The following FOLH1 variants were observed in gnomAD, a reference collection of about 807,000 sequenced individuals.
FOLH1 encodes glutamate carboxypeptidase 2.
Under a neutral mutation model 93.9 loss-of-function variants are expected in FOLH1, and 54 were observed. That is an observed-to-expected ratio of 0.57 (90% CI 0.46 to 0.72). FOLH1 has a LOEUF of 0.72. FOLH1 is among the 30% of genes least tolerant of loss of function. The pLI is 0.00. For synonymous variants in FOLH1, 249 were observed against 303.6 expected, an observed-to-expected ratio of 0.82 and a Z score of 1.87; for missense variants, 571 against 892.5, an observed-to-expected ratio of 0.64 and a Z score of 4.59.
chr11:49,155,832 AT>A (rs1856965742), intron 15 of FOLH1, among the ~76,000 whole-genome samples: 13 of 129,898 alleles, frequency 1.0e-4, no homozygotes, highest in African/African-American at 3.8e-4. Flanking sequence ...ATATATATAT[AT>A]ATAATCAACA....
chr11:49,155,085 G>C (rs1856868795), intron 15 of FOLH1, among the ~76,000 whole-genome samples: 2 of 152,034 alleles, frequency 1.3e-5, no homozygotes, highest in Non-Finnish European at 1.5e-5. Context: ...TTTTCAAACT[G>C]TGAATTGCTG....
chr11:49,206,968 C>G, intron 1 of FOLH1: 1 of 586,972 alleles, frequency 1.7e-6, no homozygotes, highest in Non-Finnish European at 3.0e-6. Flanking sequence ...AACCAGCTTT[C>G]ATGGAGCTTT....
intron 4 of FOLH1, among the ~76,000 whole-genome samples, chr11:49,191,281 G>A (rs1862008595): frequency 6.6e-6 from 1 of 152,150 alleles, no homozygotes; most frequent in South Asian, 2.1e-4. Context: ...TAGAGTGCTG[G>A]GATTACAGGC....
In FOLH1 at chr11:49,157,979, G is replaced by T. The variant is rs1857206585; in HGVS notation, c.1505C>A (p.Pro502His). The T allele has an allele frequency of 1.2e-6, 2 of 1,600,602 alleles. No individual in the cohort carries two copies. Among genetic ancestry groups the T allele is most frequent in the African/African-American group, 2.7e-5 (2 of 74,632 alleles). ...GGGCATGCCACTGAACTCTGGGGAA[G>T]GACTTTTTTTAGTCCAACTTTCATA... ...SLYESWTKKS[P>H]SPEFSGMPRI... Residue 502 changes from proline to histidine, a missense_variant, in exon 14 of 19, where the codon CCT becomes CAT. By Grantham distance (77) the Pro-to-His change is moderately conservative. This residue lies in a region of FOLH1 where 500 missense variants were observed against 822.9 expected (regional missense o/e 0.61). Transcript: ENST00000256999.
At chr11:49,176,359 T>C (rs972203532) in intron 7 of FOLH1, among the ~76,000 whole-genome samples, 6 of 152,236 alleles carry the variant, frequency 3.9e-5, no homozygotes, top group Non-Finnish European at 5.9e-5. Context: ...AGTTATTTTT[T>C]ACAAAGTACT....
At chr11:49,174,804 T>G (rs1397939099) in intron 9 of FOLH1, 88 bp downstream of exon 9, 4 of 1,099,356 alleles carry the variant, frequency 3.6e-6, no homozygotes, top group Non-Finnish European at 5.3e-6. Flanking sequence ...TTTGTTTGTT[T>G]TGATTCACTT....
chr11:49,207,460 T>A lies in FOLH1; in HGVS notation c.118+832A>T, dbSNP rs1235876877. ...CTGGTCCATGCCCTGTTCTTCTAAA[T>A]CCCGAAAGAGGGTCAAGAATTCCGA... On this transcript the variant is annotated intron_variant, in intron 1 of 18. Coordinates refer to ENST00000256999, the MANE Select transcript of FOLH1 (RefSeq NM_004476.3). Among the ~76,000 whole-genome samples, 8 of 152,298 alleles carry A rather than the reference T, an allele frequency of 5.3e-5. No homozygotes were observed. The East Asian group carries it at 1.5e-3, about 29-fold the overall frequency.
At chr11:49,173,172 ATG>A (rs756588962) in intron 10 of FOLH1, among the ~76,000 whole-genome samples, 183 bp downstream of exon 10, 63 of 152,284 alleles carry the variant, frequency 4.1e-4, no homozygotes, top group African/African-American at 1.4e-3. Context: ...TCAATAATAT[ATG>A]TGTTATATAA....
intron 8 of FOLH1, among the ~76,000 whole-genome samples, 169 bp from the exon 9 acceptor site, chr11:49,175,146 T>A (rs1377636131): frequency 2.0e-5 from 3 of 152,098 alleles, no homozygotes; most frequent in Non-Finnish European, 4.4e-5. Flanking sequence ...CACACCAGTG[T>A]ATACAGGAGC....
At chr11:49,158,267 C>T (rs1323998716) in intron 13 of FOLH1, among the ~76,000 whole-genome samples, 1 of 152,064 alleles carries the variant, frequency 6.6e-6, no homozygotes, top group African/African-American at 2.4e-5. Flanking sequence ...GTATGAAGTG[C>T]ATAGCATAAA....
At chr11:49,197,591 T>C (rs567359668) in intron 3 of FOLH1, among the ~76,000 whole-genome samples, 15 of 152,312 alleles carry the variant, frequency 9.8e-5, no homozygotes, top group South Asian at 2.1e-4. Context: ...AAAATACTAA[T>C]CATATTTGTT....
intron 11 of FOLH1, among the ~76,000 whole-genome samples, chr11:49,170,033 AT>A (rs1043610568): frequency 8.7e-5 from 13 of 148,836 alleles, no homozygotes; most frequent in South Asian, 2.1e-4. Context: ...CAGGAGCACC[AT>A]TTTTTTTTTC....
intron 7 of FOLH1, among the ~76,000 whole-genome samples, chr11:49,181,491 A>G (rs573852241): frequency 1.3e-5 from 2 of 152,124 alleles, no homozygotes; most frequent in African/African-American, 4.8e-5. Flanking sequence ...TTAATAATAT[A>G]AGCATTTTTC....
At chr11:49,205,334 A>G (rs1863780978) in intron 2 of FOLH1, among the ~76,000 whole-genome samples, 1 of 152,194 alleles carries the variant, frequency 6.6e-6, no homozygotes, top group Admixed American at 6.5e-5. Flanking sequence ...TTCGTCCTAC[A>G]CTGGAAATAG....
intron 12 of FOLH1, among the ~76,000 whole-genome samples, chr11:49,168,776 T>TA (rs1215323073): frequency 2.0e-5 from 3 of 152,156 alleles, no homozygotes; most frequent in African/African-American, 7.2e-5. Context: ...CCACAAATGA[T>TA]ACTTTTTTTC....
At chr11:49,177,784 C>CT (rs1030331382) in intron 7 of FOLH1, among the ~76,000 whole-genome samples, 17 of 53,666 alleles carry the variant, frequency 3.2e-4, no homozygotes, top group Admixed American at 2.7e-4. Flanking sequence ...CCCGTCTCTA[C>CT]TAAAAAAAAA....
intron 7 of FOLH1, among the ~76,000 whole-genome samples, chr11:49,176,752 T>C (rs1860089540): frequency 6.6e-6 from 1 of 151,842 alleles, no homozygotes; most frequent in Admixed American, 6.6e-5. Context: ...ATTGTAACTA[T>C]ATTTTTATGA....
intron 7 of FOLH1, among the ~76,000 whole-genome samples, chr11:49,177,189 C>T (rs1445950682): frequency 1.3e-5 from 2 of 152,218 alleles, no homozygotes; most frequent in Non-Finnish European, 2.9e-5. Flanking sequence ...TTTTAAAATG[C>T]TCTATCAAAG....
At chr11:49,175,666 A>G (rs976485065) in intron 8 of FOLH1, among the ~76,000 whole-genome samples, 193 bp downstream of exon 8, 1 of 152,164 alleles carries the variant, frequency 6.6e-6, no homozygotes, top group African/African-American at 2.4e-5. Context: ...TTCCAGCAAC[A>G]CTCATAATTT....
Sources: gnomAD v4.1 joint callset for allele counts (sites outside exome capture counted in the v4.1 genomes callset) on GRCh38, gnomAD v4.1.1 for gene constraint, gnomAD v4.1.1 regional missense constraint, MANE v1.5 for transcripts, NCBI Gene and HGNC (gene_info 2026-07-23, HGNC 2026-07-21) for gene names.